Variants in PTPRG observed in about 807,000 individuals in gnomAD.
PTPRG encodes the protein receptor-type tyrosine-protein phosphatase gamma.
PTPRG carries 102 observed loss-of-function variants against 165.3 expected under a neutral mutation model. The observed-to-expected ratio is 0.62, with a 90% CI of 0.53 to 0.73. The LOEUF (loss-of-function observed/expected upper bound fraction) is 0.73, where lower values mean the gene tolerates loss of function less well. Among genes scored for constraint, PTPRG ranks in the 30% least tolerant of loss-of-function variants. The probability of loss-of-function intolerance (pLI) is 0.00; values close to 1 mark genes in which losing one functional copy is unlikely to be tolerated. For synonymous variants in PTPRG, 675 were observed against 669.5 expected, an observed-to-expected ratio of 1.01 and a Z score of -0.13; for missense variants, 1,866 against 1,861.4, an observed-to-expected ratio of 1.00 and a Z score of -0.05.
At chr3:61,786,225 G>A (rs1248228667) in intron 2 of PTPRG, among the ~76,000 whole-genome samples, 3 of 152,072 alleles carry the variant, frequency 2.0e-5, no homozygotes, top group Admixed American at 2.0e-4. Context: ...TTAAAAGAGG[G>A]CAATTTGCAT....
At chr3:62,287,519 T>C (rs1264190474) in intron 28 of PTPRG, among the ~76,000 whole-genome samples, 3 of 151,582 alleles carry the variant, frequency 2.0e-5, no homozygotes, top group African/African-American at 4.9e-5. Context: ...AACTAAAAAC[T>C]TAAAAGATAG....
chr3:62,198,464 A>G (rs946707809), intron 10 of PTPRG, among the ~76,000 whole-genome samples: 1 of 152,222 alleles, frequency 6.6e-6, no homozygotes, highest in Non-Finnish European at 1.5e-5. Context: ...TGAGATATTC[A>G]AAGCCTTTTT....
At chr3:62,053,273 T>G (rs2106660091) in intron 4 of PTPRG, among the ~76,000 whole-genome samples, 1 of 151,170 alleles carries the variant, frequency 6.6e-6, no homozygotes, top group East Asian at 1.9e-4. Context: ...TGGGTTTTTT[T>G]TTTTTTTTTT....
chr3:61,767,415 C>A (rs1265747140), intron 2 of PTPRG, among the ~76,000 whole-genome samples: 1 of 152,026 alleles, frequency 6.6e-6, no homozygotes, highest in South Asian at 2.1e-4. Flanking sequence ...GTAGACAAAT[C>A]CAAAATGCAT....
intron 1 of PTPRG, among the ~76,000 whole-genome samples, chr3:61,712,580 C>T (rs2031618666): frequency 6.6e-6 from 1 of 152,162 alleles, no homozygotes; most frequent in Non-Finnish European, 1.5e-5. Context: ...GCAGCTTCCC[C>T]TGTGCTCTCT....
At chr3:61,819,933 T>C (rs192740062) in intron 2 of PTPRG, among the ~76,000 whole-genome samples, 1 of 152,170 alleles carries the variant, frequency 6.6e-6, no homozygotes, top group East Asian at 1.9e-4. Context: ...GGAAAATGTA[T>C]GTGAATATTG....
intron 4 of PTPRG, among the ~76,000 whole-genome samples, chr3:62,054,722 T>A (rs1700579101): frequency 6.6e-6 from 1 of 152,222 alleles, no homozygotes; most frequent in Non-Finnish European, 1.5e-5. Flanking sequence ...GTACCTTTTT[T>A]GAGTTATATT....
In PTPRG at chr3:62,055,186, G is replaced by A. The variant is rs191666953; in HGVS notation, c.520-22977G>A. Among the ~76,000 whole-genome samples the A allele has an allele frequency of 5.1e-4, 77 of 152,222 alleles. 1 individual carries two copies. The highest frequency in any genetic ancestry group is 1.8e-3 in the African/African-American group (75 of 41,554). ...GTGGAATTGAGTCCACACTTTCATTGCATTGCAAAATTTAAAGCAGTAATT... is the reference window on the plus strand; with the variant it reads ...GTGGAATTGAGTCCACACTTTCATTACATTGCAAAATTTAAAGCAGTAATT... On this transcript the variant is annotated intron_variant, in intron 4 of 29. Transcript: ENST00000474889.
chr3:62,126,875 C>T (rs1017912156), intron 5 of PTPRG, among the ~76,000 whole-genome samples: 3 of 152,154 alleles, frequency 2.0e-5, no homozygotes, highest in African/African-American at 7.2e-5. Flanking sequence ...CCACATGTGC[C>T]AACATCTCTG....
intron 11 of PTPRG, among the ~76,000 whole-genome samples, chr3:62,201,897 G>A (rs927807166): frequency 7.2e-5 from 11 of 152,060 alleles, no homozygotes; most frequent in South Asian, 2.1e-4. Context: ...TGTCATTTGC[G>A]TAAAGTTATA....
In PTPRG at chr3:61,562,353, T is replaced by G. The variant is rs780635320; in HGVS notation, c.66T>G (p.His22Gln). The G allele has an allele frequency of 5.0e-6, 8 of 1,613,026 alleles. No homozygotes were observed. Among genetic ancestry groups the G allele is most frequent in the Non-Finnish European group, 6.8e-6 (8 of 1,179,342 alleles). ...TGAAAATCACCAGTTCCGTGCTCCA[T>G]TATGTCGTGTGCTTCCCCGGTGAGT... is the stretch of plus-strand genomic sequence containing the variant. ...LFLKITSSVL[H>Q]YVVCFPALTE... is the part of the protein sequence containing the mutation. The change falls in exon 1 of 30, where the codon CAT (histidine) becomes CAG (glutamine). Residue 22 changes from histidine (H) to glutamine (Q), a missense_variant. Physicochemically the swap from His to Gln is conservative, Grantham distance 24. Coordinates refer to ENST00000474889, the MANE Select transcript of PTPRG (RefSeq NM_002841.4).
intron 1 of PTPRG, among the ~76,000 whole-genome samples, chr3:61,584,486 TAAAATC>T (rs1700385598): frequency 6.6e-6 from 1 of 152,168 alleles, no homozygotes; most frequent in Non-Finnish European, 1.5e-5. Flanking sequence ...TGTTACAACT[TAAAATC>T]AATACGAAGC....
chr3:62,084,922 G>T (rs998813781), intron 5 of PTPRG, among the ~76,000 whole-genome samples: 1 of 152,158 alleles, frequency 6.6e-6, no homozygotes, highest in African/African-American at 2.4e-5. Flanking sequence ...ATACTTAGCT[G>T]AATTTCATGG....
intron 2 of PTPRG, among the ~76,000 whole-genome samples, chr3:61,937,325 A>G (rs1034856108): frequency 2.2e-4 from 33 of 152,130 alleles, no homozygotes; most frequent in Non-Finnish European, 7.4e-5. Context: ...CCCTGGTTTC[A>G]CTGCTGTCGC....
chr3:61,589,715 T>C (rs748882964), intron 1 of PTPRG, among the ~76,000 whole-genome samples: 1 of 151,984 alleles, frequency 6.6e-6, no homozygotes, highest in African/African-American at 2.4e-5. Flanking sequence ...GCTTAGCACA[T>C]GGGGACACGT....
chr3:61,671,892 G>T (rs556840078), intron 1 of PTPRG, among the ~76,000 whole-genome samples: 2 of 147,692 alleles, frequency 1.4e-5, no homozygotes, highest in East Asian at 2.1e-4. Context: ...GGATGGGCGG[G>T]GGGGGCTGAT....
chr3:61,995,497 T>C (rs1467656854), intron 3 of PTPRG, among the ~76,000 whole-genome samples: 1 of 152,114 alleles, frequency 6.6e-6, no homozygotes, highest in Non-Finnish European at 1.5e-5. Flanking sequence ...AGTGGCATGG[T>C]TGCTCAAGTG....
intron 5 of PTPRG, among the ~76,000 whole-genome samples, chr3:62,130,381 A>G (rs1703469630): frequency 1.3e-5 from 2 of 152,360 alleles, no homozygotes; most frequent in Middle Eastern, 3.4e-3. Context: ...AAAGCAAGAC[A>G]TATGGACAAG....
At chr3:61,841,310 A>G (rs1252338623) in intron 2 of PTPRG, among the ~76,000 whole-genome samples, 1 of 152,218 alleles carries the variant, frequency 6.6e-6, no homozygotes, top group African/African-American at 2.4e-5. Context: ...AAAAGCCATC[A>G]GTTAAAGCGA....
Sources: gnomAD v4.1 joint callset for allele counts (sites outside exome capture counted in the v4.1 genomes callset) on GRCh38, gnomAD v4.1.1 for gene constraint, MANE v1.5 for transcripts, NCBI Gene and HGNC (gene_info 2026-07-23, HGNC 2026-07-21) for gene names.